The following RINT1 variants were observed in gnomAD, a reference collection of about 807,000 sequenced individuals.
RINT1 encodes the protein RAD50 interactor 1, also known as RAD50-interacting protein 1.
In RINT1, 75 loss-of-function variants were observed where a neutral mutation model predicts 97.7. That is an observed-to-expected ratio of 0.77 (90% CI 0.64 to 0.93). The LOEUF (loss-of-function observed/expected upper bound fraction) is 0.93. Ranked by LOEUF, RINT1 falls within the 40% of genes least tolerant of loss-of-function variation. RINT1 has a pLI of 0.00. For synonymous variants in RINT1, 303 were observed against 326.3 expected, an observed-to-expected ratio of 0.93 and a Z score of 0.77; for missense variants, 892 against 925.2, an observed-to-expected ratio of 0.96 and a Z score of 0.47.
intron 4 of RINT1, 72 bp downstream of exon 4, chr7:105,542,721 G>T (rs1379035109): frequency 1.4e-6 from 2 of 1,442,372 alleles, no homozygotes; most frequent in Non-Finnish European, 1.8e-6. Context: ...GTACATGTGT[G>T]CCATTAAATA....
chr7:105,542,522 G>A lies in RINT1; in HGVS notation c.388G>A (p.Ala130Thr), dbSNP rs138345617. The change falls in exon 4 of 15, where the codon GCC becomes ACC. Residue 130 changes from alanine to threonine, a missense_variant. Physicochemically the swap from Ala to Thr is moderately conservative, Grantham distance 58. Coordinates refer to ENST00000257700, the MANE Select transcript of RINT1 (RefSeq NM_021930.6). ...GGAGCAGGAAACTCATCTCTTCAGCGCCATTAACAGCCATTTGCTGACTGC... is the reference window on the plus strand; with the variant it reads ...GGAGCAGGAAACTCATCTCTTCAGCACCATTAACAGCCATTTGCTGACTGC... ...FLEQETHLFS[A>T]INSHLLTAQP... is the part of the protein sequence containing the mutation. The A allele has an allele frequency of 8.3e-4, 1,342 of 1,614,096 alleles. 1 individual carries two copies. The highest frequency in any genetic ancestry group is 1.0e-3 in the Non-Finnish European group (1,214 of 1,180,010).
intron 11 of RINT1, among the ~76,000 whole-genome samples, chr7:105,556,057 A>G (rs987490982): frequency 2.0e-5 from 3 of 151,818 alleles, no homozygotes; most frequent in African/African-American, 7.3e-5. Flanking sequence ...TGGCGTGGCT[A>G]TCACTCAACT....
intron 6 of RINT1, among the ~76,000 whole-genome samples, chr7:105,547,778 G>GGCGTGATC (rs1349938938): frequency 7.0e-6 from 1 of 143,552 alleles, no homozygotes; most frequent in East Asian, 2.0e-4. Flanking sequence ...GGAATGAAGT[G>GGCGTGATC]GCGTGATCTC....
At chr7:105,542,904 G>C (rs1290681813) in intron 4 of RINT1, among the ~76,000 whole-genome samples, 1 of 136,026 alleles carries the variant, frequency 7.4e-6, no homozygotes, top group Non-Finnish European at 1.6e-5. Flanking sequence ...TTTTTTTTTT[G>C]AGATGGAGTC....
intron 9 of RINT1, among the ~76,000 whole-genome samples, chr7:105,550,845 C>A (rs184212262): frequency 2.0e-5 from 3 of 152,008 alleles, no homozygotes; most frequent in East Asian, 1.9e-4. Context: ...ACCTCCACCC[C>A]CTGCGTTCAA....
chr7:105,539,502 A>G (rs1253715620), intron 3 of RINT1, among the ~76,000 whole-genome samples: 1 of 152,032 alleles, frequency 6.6e-6, no homozygotes. Context: ...CTGGGATTAT[A>G]GGCATGTGCC....
Position 105,550,120 on chromosome 7 carries a change from G to C in RINT1, c.1062G>C (p.Lys354Asn). Reference sequence around the variant, plus strand: ...ACCATACTGAATTTCTGGATGAGAAGATTCAGCCAATATTAGACAAAGTAG... The same window carrying C: ...ACCATACTGAATTTCTGGATGAGAACATTCAGCCAATATTAGACAAAGTAG... ...IGNHTEFLDE[K>N]IQPILDKVGS... The change falls in exon 8 of 15, where the codon AAG (lysine) becomes AAC (asparagine). Residue 354 changes from lysine to asparagine, a missense_variant. Transcript: ENST00000257700. 6.2e-7 allele frequency: 1 copy of C among 1,613,904 alleles called. No homozygotes were observed. The highest frequency in any genetic ancestry group is 8.5e-7 in the Non-Finnish European group (1 of 1,179,838).
intron 11 of RINT1, among the ~76,000 whole-genome samples, chr7:105,560,719 T>C (rs1443509920): frequency 6.6e-6 from 1 of 152,080 alleles, no homozygotes; most frequent in African/African-American, 2.4e-5. Context: ...CAAATGTTTT[T>C]TATTTTGGTT....
Position 105,536,584 on chromosome 7 carries a change from T to C in RINT1, c.108T>C (p.Val36=), listed in dbSNP as rs1013150748. 6.2e-7 allele frequency: 1 copy of C among 1,600,730 alleles called. No individual in the cohort carries two copies. The highest frequency in any genetic ancestry group is 1.7e-5 in the Admixed American group (1 of 57,534). Residue 36 remains valine (V), a synonymous_variant, in exon 3 of 15, where the codon GTT becomes GTC. Coordinates refer to ENST00000257700, the MANE Select transcript of RINT1 (RefSeq NM_021930.6). ...LEEKSDINVT[V]LIGSKQVSEG... The stretch of plus-strand genomic sequence containing the variant: ...TTGTAGGTGACATAAATGTTACAGT[T>C]CTTATTGGAAGTAAACAAGTCAGTG...
At chr7:105,543,342 G>A (rs140355143) in intron 4 of RINT1, among the ~76,000 whole-genome samples, 1 of 152,078 alleles carries the variant, frequency 6.6e-6, no homozygotes, top group South Asian at 2.1e-4. Flanking sequence ...TGTATAATTT[G>A]AATATTTTTC....
chr7:105,553,255 C>T (rs527937242), intron 10 of RINT1, among the ~76,000 whole-genome samples: 9 of 150,670 alleles, frequency 6.0e-5, no homozygotes, highest in Admixed American at 2.0e-4. Flanking sequence ...GACAGAATTT[C>T]GCTCTTGTCA....
Position 105,542,692 on chromosome 7 carries a change from G to A in RINT1, c.515+43G>A, listed in dbSNP as rs78093208. The stretch of plus-strand genomic sequence containing the variant: ...GTTCTCACAATTACTATTTTCCTTT[G>A]AGGCTTCTGTCTTAGAGAGTACATG... On this transcript the variant is annotated intron_variant, in intron 4 of 14. Coordinates refer to ENST00000257700, the MANE Select transcript of RINT1 (RefSeq NM_021930.6). 1.3e-3 allele frequency: 2,057 copies of A among 1,599,502 alleles called. 24 individuals are homozygous for A. In the African/African-American group the frequency reaches 0.023, roughly 18 times the overall value.
At chr7:105,544,140 T>G (rs1232963305) in intron 4 of RINT1, among the ~76,000 whole-genome samples, 1 of 151,984 alleles carries the variant, frequency 6.6e-6, no homozygotes, top group Non-Finnish European at 1.5e-5. Flanking sequence ...TTGTTTTGCA[T>G]GTATGAGGAG....
At chr7:105,552,627 C>A (rs940610343) in intron 10 of RINT1, among the ~76,000 whole-genome samples, 1 of 149,148 alleles carries the variant, frequency 6.7e-6, no homozygotes, top group African/African-American at 2.5e-5. Flanking sequence ...GTCTGGTAAC[C>A]TGAAGAAGTA....
intron 11 of RINT1, among the ~76,000 whole-genome samples, chr7:105,559,278 C>T (rs1481683218): frequency 6.6e-6 from 1 of 151,990 alleles, no homozygotes; most frequent in Middle Eastern, 3.2e-3. Context: ...CGGTAGTTGT[C>T]GCCTATAATC....
In RINT1 at chr7:105,567,485, T is replaced by C. The variant is rs115463820; in HGVS notation, c.*174T>C. 842 of 706,016 alleles carry C rather than the reference T, an allele frequency of 1.2e-3. 6 individuals are homozygous for C. In the African/African-American group the frequency reaches 0.014, roughly 11 times the overall value. 43.7% of individuals were successfully genotyped at this position (706,016 alleles called of 1,614,324 possible). On this transcript the variant is annotated 3_prime_UTR_variant, in exon 15 of 15. Transcript: ENST00000257700. ...TGCTGACCATATTTCCTTCATCCTCTTGTTCCTAAGGAAACAAAAACAGAA... is the reference window on the plus strand; with the variant it reads ...TGCTGACCATATTTCCTTCATCCTCCTGTTCCTAAGGAAACAAAAACAGAA...
At chr7:105,544,535 A>G (rs1790581915) in intron 4 of RINT1, among the ~76,000 whole-genome samples, 1 of 151,998 alleles carries the variant, frequency 6.6e-6, no homozygotes, top group African/African-American at 2.4e-5. Flanking sequence ...CCCGGGTTCA[A>G]GCGATTCTCC....
rs566788791 is a variant in RINT1, at chr7:105,558,694, G to A, written c.1671+3467G>A. 1.1e-4 allele frequency among the ~76,000 whole-genome samples: 16 copies of A among 152,162 alleles called. 1 individual carries two copies. In the East Asian group the frequency reaches 1.7e-3, roughly 17 times the overall value. Reference sequence around the variant, plus strand: ...CAAAAAATTAGCTGAGCATGGTGGCGTACCCCTGTAGTCCTAGCTGCTTGG... The same window carrying A: ...CAAAAAATTAGCTGAGCATGGTGGCATACCCCTGTAGTCCTAGCTGCTTGG... On this transcript the variant is annotated intron_variant, in intron 11 of 14. Coordinates refer to ENST00000257700, the MANE Select transcript of RINT1 (RefSeq NM_021930.6).
At chr7:105,549,165 T>C (rs1360356234) in intron 7 of RINT1, among the ~76,000 whole-genome samples, 6 of 151,418 alleles carry the variant, frequency 4.0e-5, no homozygotes, top group African/African-American at 7.3e-5. Flanking sequence ...TTTTTGTAAT[T>C]TTAGTAGAGA....
Sources: allele counts gnomAD v4.1 joint callset (sites outside exome capture counted in the v4.1 genomes callset), GRCh38; gene constraint gnomAD v4.1.1; transcripts MANE v1.5; gene names NCBI Gene and HGNC (gene_info 2026-07-23, HGNC 2026-07-21).